Variants in MAPKAP1 observed in about 807,000 individuals in gnomAD.
MAPKAP1 encodes the protein MAPK associated protein 1.
A neutral mutation model predicts 65.7 loss-of-function variants in MAPKAP1; 20 were observed. The ratio of observed to expected loss-of-function variants is 0.30; its 90% CI spans 0.21 to 0.44. The LOEUF (loss-of-function observed/expected upper bound fraction) is 0.44. Among genes scored for constraint, MAPKAP1 ranks in the 20% least tolerant of loss-of-function variants. The pLI is 1.00. For missense variants in MAPKAP1, 423 were observed against 648.0 expected (o/e 0.65, Z 3.77); for synonymous variants, 222 against 244.3 (o/e 0.91, Z 0.85).
chr9:125,501,418 T>C (rs943037024), intron 8 of MAPKAP1, among the ~76,000 whole-genome samples: 14 of 152,366 alleles, frequency 9.2e-5, no homozygotes, highest in African/African-American at 3.4e-4. Context: ...TTCACTTTAT[T>C]AATATTTTGT....
chr9:125,480,835 G>A (rs1020922936), intron 9 of MAPKAP1, among the ~76,000 whole-genome samples: 2 of 151,810 alleles, frequency 1.3e-5, no homozygotes, highest in Non-Finnish European at 2.9e-5. Context: ...AGCCGGGCGT[G>A]GTGGCAGGCG....
Position 125,610,350 on chromosome 9 carries a change from G to A in MAPKAP1, c.499-24623C>T, listed in dbSNP as rs556696827. Among the ~76,000 whole-genome samples, 43 of 152,234 alleles carry A rather than the reference G, an allele frequency of 2.8e-4. 1 individual carries two copies. The highest frequency in any genetic ancestry group is 1.0e-3 in the Admixed American group (16 of 15,290). On this transcript the variant is annotated intron_variant, in intron 4 of 11. Transcript: ENST00000265960. ...AACATATTTATGAAATATAAAAAGA[G>A]CTATTTTATCTGACTCAATACACTG...
intron 6 of MAPKAP1, among the ~76,000 whole-genome samples, chr9:125,558,645 G>A (rs181220662): frequency 3.3e-5 from 5 of 152,222 alleles, no homozygotes; most frequent in Non-Finnish European, 1.5e-5. Context: ...CAAAGGGATC[G>A]CTATTGTTCC....
At position 125,542,996 on chromosome 9, in the gene MAPKAP1, C is replaced by T. The variant is rs141918014; in HGVS notation, c.958+63G>A. The stretch of plus-strand genomic sequence containing the variant: ...AGCCAGCCATCACACACACACACCC[C>T]CTATGCCCTTTTAATAAGGGTTAAG... On this transcript the variant is annotated intron_variant, in intron 7 of 11. Coordinates refer to ENST00000265960, the MANE Select transcript of MAPKAP1 (RefSeq NM_001006617.3). 144 of 1,071,306 alleles carry T rather than the reference C, an allele frequency of 1.3e-4. 1 individual carries two copies. The highest frequency in any genetic ancestry group is 1.9e-4 in the Non-Finnish European group (129 of 684,722). The allele number at this position is 1,071,306 out of a possible 1,614,324, so 66.4% of individuals were successfully genotyped here. A position where few individuals can be genotyped will look rare whatever the true frequency, so the allele number is the denominator to read the frequency against.
intron 7 of MAPKAP1, among the ~76,000 whole-genome samples, chr9:125,526,123 G>A (rs1829759592): frequency 6.6e-6 from 1 of 152,200 alleles, no homozygotes; most frequent in African/African-American, 2.4e-5. Flanking sequence ...CAGACCTTAT[G>A]TTCTTGGCAC....
chr9:125,679,615 T>G (rs1834762102), intron 1 of MAPKAP1, among the ~76,000 whole-genome samples: 1 of 152,166 alleles, frequency 6.6e-6, no homozygotes, highest in Non-Finnish European at 1.5e-5. Flanking sequence ...GAATATTTTT[T>G]AAAATCCCTA....
intron 1 of MAPKAP1, among the ~76,000 whole-genome samples, chr9:125,703,139 A>T (rs1319794676): frequency 2.0e-5 from 3 of 152,222 alleles, no homozygotes; most frequent in Admixed American, 6.5e-5. Flanking sequence ...AAGCAAGTGG[A>T]GCTGAGCAGC....
chr9:125,701,186 C>A (rs1291637309), intron 1 of MAPKAP1, among the ~76,000 whole-genome samples: 1 of 152,218 alleles, frequency 6.6e-6, no homozygotes, highest in African/African-American at 2.4e-5. Context: ...CTACCAATTT[C>A]TCTGCTGAAA....
intron 5 of MAPKAP1, chr9:125,565,587 T>C (rs988278429): frequency 6.4e-6 from 2 of 312,964 alleles, no homozygotes; most frequent in African/African-American, 2.3e-5. Context: ...AAAAAGGTCA[T>C]GAGGATTGCA....
At chr9:125,632,906 G>A (rs1457233520) in intron 4 of MAPKAP1, among the ~76,000 whole-genome samples, 1 of 152,204 alleles carries the variant, frequency 6.6e-6, no homozygotes, top group African/African-American at 2.4e-5. Flanking sequence ...AAAAATTGAT[G>A]CTTTACTGAA....
intron 4 of MAPKAP1, chr9:125,596,167 A>G: frequency 2.6e-6 from 2 of 770,910 alleles, no homozygotes; most frequent in Non-Finnish European, 4.7e-6. Flanking sequence ...CAAAAACACC[A>G]TACTGTGAAT....
At chr9:125,546,622 A>G (rs1589276236) in intron 6 of MAPKAP1, among the ~76,000 whole-genome samples, 1 of 152,274 alleles carries the variant, frequency 6.6e-6, no homozygotes, top group East Asian at 1.9e-4. Context: ...TGGGCTTTCT[A>G]AAAAGTCTAC....
In MAPKAP1 at chr9:125,439,960, A is replaced by G. The variant is rs1852421148; in HGVS notation, c.1444-948T>C. On this transcript the variant is annotated intron_variant, in intron 11 of 11. Coordinates refer to ENST00000265960, the MANE Select transcript of MAPKAP1 (RefSeq NM_001006617.3). The surrounding 1 kb of genome is among the most constrained non-coding windows in gnomAD (Gnocchi z 4.0). Reference sequence around the variant, plus strand: ...GAGTGAGCGGGCTTTTGAGGGATACACAGGAGTTTTTGAGTGCGCAACGGG... The same window carrying G: ...GAGTGAGCGGGCTTTTGAGGGATACGCAGGAGTTTTTGAGTGCGCAACGGG... 2.6e-5 allele frequency among the ~76,000 whole-genome samples: 4 copies of G among 152,322 alleles called. No individual in the cohort carries two copies. The South Asian group carries it at 8.3e-4, about 32-fold the overall frequency.
intron 5 of MAPKAP1, among the ~76,000 whole-genome samples, chr9:125,577,330 C>T (rs1038690962): frequency 2.6e-5 from 4 of 151,650 alleles, no homozygotes; most frequent in Admixed American, 6.6e-5. Context: ...CGGCAGCCAC[C>T]CCGTCTGGTA....
intron 3 of MAPKAP1, among the ~76,000 whole-genome samples, chr9:125,664,353 A>C (rs1401389465): frequency 6.6e-6 from 1 of 151,626 alleles, no homozygotes; most frequent in Non-Finnish European, 1.5e-5. Context: ...GTCTCAAAAA[A>C]AATAAAAAAA....
intron 4 of MAPKAP1, among the ~76,000 whole-genome samples, chr9:125,613,579 C>A (rs1460476248): frequency 6.6e-6 from 1 of 152,140 alleles, no homozygotes; most frequent in Non-Finnish European, 1.5e-5. Flanking sequence ...CCTCCCTCTA[C>A]CCAATTCTGT....
At chr9:125,527,863 T>G (rs1829818885) in intron 7 of MAPKAP1, among the ~76,000 whole-genome samples, 1 of 152,230 alleles carries the variant, frequency 6.6e-6, no homozygotes, top group African/African-American at 2.4e-5. Flanking sequence ...CCTTTCATTT[T>G]AAACACATTT....
chr9:125,686,922 G>A (rs897116509), intron 1 of MAPKAP1, among the ~76,000 whole-genome samples: 3 of 151,050 alleles, frequency 2.0e-5, no homozygotes, highest in Non-Finnish European at 2.9e-5. Context: ...TGCCTCCCAC[G>A]TTCAAGTGAT....
chr9:125,542,207 T>G (rs1190254843), intron 7 of MAPKAP1, among the ~76,000 whole-genome samples: 1 of 152,218 alleles, frequency 6.6e-6, no homozygotes, highest in Middle Eastern at 3.2e-3. Context: ...TCTTCTAACT[T>G]TTATTAAAAC....
Sources: allele counts gnomAD v4.1 joint callset (sites outside exome capture counted in the v4.1 genomes callset), GRCh38; gene constraint gnomAD v4.1.1; non-coding constraint Gnocchi (gnomAD v3.1); transcripts MANE v1.5; gene names NCBI Gene and HGNC (gene_info 2026-07-23, HGNC 2026-07-21).